The following SGCZ variants were observed in gnomAD, a reference collection of about 807,000 sequenced individuals.
The protein encoded by SGCZ is zeta-sarcoglycan.
A neutral mutation model predicts 41.3 loss-of-function variants in SGCZ; 40 were observed. The observed-to-expected ratio is 0.97, with a 90% CI of 0.75 to 1.26. The LOEUF (loss-of-function observed/expected upper bound fraction) is 1.26. Ranked by LOEUF, SGCZ falls within the 50% of genes most tolerant of loss-of-function variation. The pLI is 0.00. For missense variants in SGCZ, 552 were observed against 369.8 expected (o/e 1.49, Z -4.04); for synonymous variants, 206 against 137.5 (o/e 1.50, Z -3.49).
At chr8:14,858,501 G>A (rs1803616298) in intron 1 of SGCZ, among the ~76,000 whole-genome samples, 1 of 152,070 alleles carries the variant, frequency 6.6e-6, no homozygotes, top group African/African-American at 2.4e-5. Context: ...ACAGATACAA[G>A]TTGGATATAG....
rs570256177 is a variant in SGCZ, at chr8:14,844,548, T to G, written c.40-289622A>C. Among the ~76,000 whole-genome samples the G allele has an allele frequency of 2.2e-4, 34 of 152,290 alleles. No individual in the cohort carries two copies. In the South Asian group the frequency reaches 6.8e-3, roughly 31 times the overall value. The stretch of plus-strand genomic sequence containing the variant: ...TTACCATGAAAATTGTTTGCCATAG[T>G]ATGCGGGCTCCTCTCATCCAGCTGA... On this transcript the variant is annotated intron_variant, in intron 1 of 7. Transcript: ENST00000382080.
chr8:15,215,584 A>AT (rs1348309867), intron 1 of SGCZ, among the ~76,000 whole-genome samples: 1 of 152,132 alleles, frequency 6.6e-6, no homozygotes, highest in African/African-American at 2.4e-5. Flanking sequence ...GAGGTAAGAC[A>AT]TTTTTTAGGT....
intron 3 of SGCZ, among the ~76,000 whole-genome samples, chr8:14,292,682 G>A (rs560439355): frequency 2.6e-5 from 4 of 151,986 alleles, no homozygotes; most frequent in African/African-American, 7.2e-5. Flanking sequence ...GTCAAATTCT[G>A]GATCTACCAC....
chr8:14,951,770 A>T (rs1800649320), intron 1 of SGCZ, among the ~76,000 whole-genome samples: 2 of 152,106 alleles, frequency 1.3e-5, no homozygotes, highest in Non-Finnish European at 2.9e-5. Flanking sequence ...CTGTGCGTAT[A>T]AAAATCTTTG....
At chr8:14,239,141 TTA>T (rs966080946) in intron 3 of SGCZ, among the ~76,000 whole-genome samples, 3 of 152,004 alleles carry the variant, frequency 2.0e-5, no homozygotes. Flanking sequence ...CAAATTCTGT[TTA>T]AAGTATAGTT....
chr8:15,143,502 G>A (rs187679001), intron 1 of SGCZ, among the ~76,000 whole-genome samples: 6 of 152,306 alleles, frequency 3.9e-5, no homozygotes, highest in African/African-American at 1.4e-4. Flanking sequence ...GTTTTCCAAA[G>A]TGTTTTGAAA....
intron 1 of SGCZ, among the ~76,000 whole-genome samples, chr8:14,817,755 A>T (rs995996626): frequency 3.3e-5 from 5 of 152,164 alleles, no homozygotes; most frequent in African/African-American, 9.7e-5. Flanking sequence ...TGACTTGCCC[A>T]TGTGCGCTCA....
chr8:14,608,815 T>C (rs752328135), intron 1 of SGCZ, among the ~76,000 whole-genome samples: 4 of 152,034 alleles, frequency 2.6e-5, no homozygotes, highest in African/African-American at 4.8e-5. Context: ...ATTCGAACCA[T>C]ATCGGCAAGT....
intron 4 of SGCZ, among the ~76,000 whole-genome samples, chr8:14,209,184 T>G (rs546882388): frequency 3.9e-5 from 6 of 152,212 alleles, no homozygotes; most frequent in Admixed American, 2.0e-4. Flanking sequence ...GAACGTTATG[T>G]AAACGTCACA....
chr8:14,828,023 G>T (rs968059855), intron 1 of SGCZ, among the ~76,000 whole-genome samples: 1 of 152,166 alleles, frequency 6.6e-6, no homozygotes, highest in South Asian at 2.1e-4. Context: ...TGTCTGACAG[G>T]ACCTCAACTG....
intron 1 of SGCZ, among the ~76,000 whole-genome samples, chr8:15,154,434 C>A (rs1041796438): frequency 1.3e-5 from 2 of 152,148 alleles, no homozygotes; most frequent in Admixed American, 1.3e-4. Flanking sequence ...ATCCAAGACT[C>A]TTATGAAGGG....
chr8:14,995,226 C>G (rs17608642), intron 1 of SGCZ, among the ~76,000 whole-genome samples: 1 of 152,178 alleles, frequency 6.6e-6, no homozygotes, highest in African/African-American at 2.4e-5. Flanking sequence ...GGAAAGCTCA[C>G]GCTGGTAGCT....
chr8:14,866,419 T>C (rs1049632629), intron 1 of SGCZ, among the ~76,000 whole-genome samples: 2 of 152,146 alleles, frequency 1.3e-5, no homozygotes, highest in African/African-American at 2.4e-5. Context: ...ACAGTCATTA[T>C]TCTGGTACTA....
At chr8:14,620,538 T>C (rs1432641771) in intron 1 of SGCZ, among the ~76,000 whole-genome samples, 12 of 152,066 alleles carry the variant, frequency 7.9e-5, no homozygotes, top group Middle Eastern at 3.4e-3. Flanking sequence ...GCAACCTACT[T>C]ATCTGACAAA....
At chr8:14,381,187 G>C (rs945229465) in intron 2 of SGCZ, among the ~76,000 whole-genome samples, 1 of 152,152 alleles carries the variant, frequency 6.6e-6, no homozygotes, top group Non-Finnish European at 1.5e-5. Context: ...AATTATTAAT[G>C]GTCAAGTAGG....
At chr8:15,162,994 A>C (rs1799558555) in intron 1 of SGCZ, among the ~76,000 whole-genome samples, 1 of 152,114 alleles carries the variant, frequency 6.6e-6, no homozygotes, top group Non-Finnish European at 1.5e-5. Flanking sequence ...GTGTCTTAAA[A>C]CCTTCAAAAC....
At chr8:15,149,401 T>G (rs1017335418) in intron 1 of SGCZ, among the ~76,000 whole-genome samples, 5 of 152,172 alleles carry the variant, frequency 3.3e-5, no homozygotes, top group East Asian at 1.9e-4. Flanking sequence ...GATAGGACTA[T>G]GAACTTGATT....
intron 1 of SGCZ, among the ~76,000 whole-genome samples, chr8:14,878,509 T>C (rs1484715913): frequency 6.6e-6 from 1 of 152,188 alleles, no homozygotes; most frequent in African/African-American, 2.4e-5. Flanking sequence ...TCTTTTCTGA[T>C]ATCTGATTGG....
intron 2 of SGCZ, among the ~76,000 whole-genome samples, chr8:14,446,440 C>T (rs1019893525): frequency 6.6e-6 from 1 of 152,100 alleles, no homozygotes; most frequent in African/African-American, 2.4e-5. Context: ...AACTTTGTTC[C>T]AAATGACAAT....
Sources: allele counts gnomAD v4.1 joint callset (sites outside exome capture counted in the v4.1 genomes callset), GRCh38; gene constraint gnomAD v4.1.1; transcripts MANE v1.5; gene names NCBI Gene and HGNC (gene_info 2026-07-23, HGNC 2026-07-21).